The following ADARB2 variants were observed in gnomAD, a reference collection of about 807,000 sequenced individuals.
ADARB2 encodes the protein adenosine deaminase RNA specific B2 (inactive), also known as inactive double-stranded RNA-specific editase B2.
A neutral mutation model predicts 62.2 loss-of-function variants in ADARB2; 25 were observed. The ratio of observed to expected loss-of-function variants is 0.40; its 90% CI spans 0.29 to 0.56. The LOEUF is 0.56. Ranked by LOEUF, ADARB2 falls within the 20% of genes least tolerant of loss-of-function variation. ADARB2 has a pLI of 0.43. For synonymous variants in ADARB2, 572 were observed against 500.8 expected, an observed-to-expected ratio of 1.14 and a Z score of -1.90; for missense variants, 1,071 against 1,077.4, an observed-to-expected ratio of 0.99 and a Z score of 0.08.
At chr10:1,293,916 C>T (rs1329404686) in intron 3 of ADARB2, among the ~76,000 whole-genome samples, 1 of 151,734 alleles carries the variant, frequency 6.6e-6, no homozygotes, top group Admixed American at 6.6e-5. Context: ...GTCGGCAGGG[C>T]AATGTCTTTC....
intron 1 of ADARB2, among the ~76,000 whole-genome samples, chr10:1,555,125 C>T (rs531796448): frequency 2.2e-4 from 34 of 152,300 alleles, no homozygotes; most frequent in African/African-American, 7.9e-4. Flanking sequence ...TCCAGTTCAC[C>T]GCTCATGGAC....
At chr10:1,205,451 C>T (rs1589150834) in intron 7 of ADARB2, among the ~76,000 whole-genome samples, 1 of 151,128 alleles carries the variant, frequency 6.6e-6, no homozygotes, top group East Asian at 2.0e-4. Context: ...GGAGACAACT[C>T]ACGGGAGCCC....
At chr10:1,362,263 G>T (rs1252822905) in intron 3 of ADARB2, among the ~76,000 whole-genome samples, 1 of 152,236 alleles carries the variant, frequency 6.6e-6, no homozygotes, top group Non-Finnish European at 1.5e-5. Context: ...CTTCAGTAAC[G>T]GGCTCTTGGG....
chr10:1,375,957 G>GGA (rs1832424030), intron 2 of ADARB2, among the ~76,000 whole-genome samples: 1 of 30,404 alleles, frequency 3.3e-5, no homozygotes, highest in Admixed American at 6.1e-4. Context: ...CCACACACAT[G>GGA]CACACACACA....
chr10:1,219,072 G>A lies in ADARB2; in HGVS notation c.1514-1953C>T, dbSNP rs567153550. Among the ~76,000 whole-genome samples, 268 of 136,600 alleles carry A rather than the reference G, an allele frequency of 2.0e-3. 2 individuals carry two copies. The highest frequency in any genetic ancestry group is 6.3e-3 in the African/African-American group (242 of 38,408). 89.6% of individuals were successfully genotyped at this position (136,600 alleles called of 152,430 possible). A position where few individuals can be genotyped will look rare whatever the true frequency, so the allele number is the denominator to read the frequency against. On this transcript the variant is annotated intron_variant, in intron 6 of 9. Coordinates refer to ENST00000381312, the MANE Select transcript of ADARB2 (RefSeq NM_018702.4). The stretch of plus-strand genomic sequence containing the variant: ...CTCAAAAAAAAAAAAAAAAAAAAGA[G>A]TGTGTGGCATCTCCCCCGCCCTCTC...
chr10:1,674,375 C>T (rs1834433601), intron 1 of ADARB2, among the ~76,000 whole-genome samples: 1 of 152,144 alleles, frequency 6.6e-6, no homozygotes, highest in Non-Finnish European at 1.5e-5. Flanking sequence ...CACTTGGCTT[C>T]CTGGACTTCC....
At chr10:1,266,031 G>C (rs35867319) in intron 4 of ADARB2, among the ~76,000 whole-genome samples, 22,844 of 84,726 alleles carry the variant, frequency 0.27, 3,918 homozygotes, top group Middle Eastern at 0.43. Context: ...GGGGCCCAGG[G>C]TCCCCCGGAA....
At chr10:1,230,934 A>G (rs984691804) in intron 6 of ADARB2, among the ~76,000 whole-genome samples, 2 of 152,182 alleles carry the variant, frequency 1.3e-5, no homozygotes, top group African/African-American at 4.8e-5. Flanking sequence ...CCATGAAATA[A>G]AAGACATCTG....
At chr10:1,419,845 T>C (rs1403036746) in intron 1 of ADARB2, among the ~76,000 whole-genome samples, 1 of 152,234 alleles carries the variant, frequency 6.6e-6, no homozygotes, top group Non-Finnish European at 1.5e-5. Flanking sequence ...TCTGCATATG[T>C]GTTTTAAGAG....
intron 1 of ADARB2, among the ~76,000 whole-genome samples, chr10:1,679,552 G>A (rs1034084798): frequency 6.6e-5 from 10 of 152,160 alleles, no homozygotes; most frequent in African/African-American, 2.2e-4. Context: ...GCAACTCCTG[G>A]GCCCTTAAAA....
intron 3 of ADARB2, among the ~76,000 whole-genome samples, chr10:1,306,830 G>T (rs1357010877): frequency 6.6e-6 from 1 of 151,554 alleles, no homozygotes; most frequent in Non-Finnish European, 1.5e-5. Context: ...AGGCAATGGG[G>T]AAAGGATTCC....
At position 1,557,387 on chromosome 10, in the gene ADARB2, G is replaced by T. The variant is rs1004775644; in HGVS notation, c.101-178227C>A. On this transcript the variant is annotated intron_variant, in intron 1 of 9. Transcript: ENST00000381312. ...CGTCAGCCAGGCTCCTTGAAACCTG[G>T]CTGGAGGGAAACGGCAAACCCTGCC... Among the ~76,000 whole-genome samples, 6 of 152,206 alleles carry T rather than the reference G, an allele frequency of 3.9e-5. No homozygotes were observed. In the South Asian group the frequency reaches 6.2e-4, roughly 16 times the overall value.
At chr10:1,719,308 C>T (rs1441210740) in intron 1 of ADARB2, among the ~76,000 whole-genome samples, 1 of 152,212 alleles carries the variant, frequency 6.6e-6, no homozygotes, top group African/African-American at 2.4e-5. Flanking sequence ...GTCTCACACA[C>T]TCCTCTATTC....
chr10:1,449,777 A>G (rs899982588), intron 1 of ADARB2, among the ~76,000 whole-genome samples: 3 of 152,220 alleles, frequency 2.0e-5, no homozygotes, highest in Non-Finnish European at 2.9e-5. Flanking sequence ...TCCAGGTCCA[A>G]TTTAATCTCT....
At chr10:1,618,164 C>T (rs1833665451) in intron 1 of ADARB2, among the ~76,000 whole-genome samples, 1 of 152,140 alleles carries the variant, frequency 6.6e-6, no homozygotes, top group Non-Finnish European at 1.5e-5. Context: ...AACAGAATGC[C>T]TTTAGGTGAG....
At chr10:1,352,326 A>G (rs563903011) in intron 3 of ADARB2, among the ~76,000 whole-genome samples, 1 of 152,298 alleles carries the variant, frequency 6.6e-6, no homozygotes, top group African/African-American at 2.4e-5. Context: ...AAACCGTTAT[A>G]TAAACTCACA....
intron 1 of ADARB2, among the ~76,000 whole-genome samples, chr10:1,510,132 C>CTT (rs1228958555): frequency 1.6e-5 from 2 of 123,818 alleles, no homozygotes; most frequent in South Asian, 5.1e-4. Flanking sequence ...TTCTTTCTTT[C>CTT]TTTCTTTCTT....
At chr10:1,418,258 C>T (rs1832821850) in intron 1 of ADARB2, among the ~76,000 whole-genome samples, 2 of 152,302 alleles carry the variant, frequency 1.3e-5, no homozygotes, top group South Asian at 2.1e-4. Flanking sequence ...AATTTCAAGT[C>T]GGCTATGAGC....
chr10:1,269,030 A>G (rs748431667), intron 4 of ADARB2, among the ~76,000 whole-genome samples: 6 of 152,214 alleles, frequency 3.9e-5, no homozygotes, highest in Non-Finnish European at 7.3e-5. Context: ...TTTCCAGGTC[A>G]TACTGACTTA....
Sources: allele counts gnomAD v4.1 joint callset (sites outside exome capture counted in the v4.1 genomes callset), GRCh38; gene constraint gnomAD v4.1.1; transcripts MANE v1.5; gene names NCBI Gene and HGNC (gene_info 2026-07-23, HGNC 2026-07-21).